Variants in DSCAML1 observed in about 807,000 individuals in gnomAD.
The protein encoded by DSCAML1 is cell adhesion molecule DSCAML1.
In DSCAML1, 38 loss-of-function variants were observed where a neutral mutation model predicts 200.5. The ratio of observed to expected loss-of-function variants is 0.19; its 90% CI spans 0.15 to 0.25. DSCAML1 has a LOEUF of 0.25. DSCAML1 is among the 10% of genes least tolerant of loss of function. The pLI is 1.00. For missense variants in DSCAML1, 2,223 were observed against 2,858.8 expected, an observed-to-expected ratio of 0.78 and a Z score of 5.07; for synonymous variants, 1,215 against 1,165.0, an observed-to-expected ratio of 1.04 and a Z score of -0.87.
chr11:117,679,794 C>T (rs2053281195), intron 3 of DSCAML1, among the ~76,000 whole-genome samples: 1 of 152,192 alleles, frequency 6.6e-6, no homozygotes, highest in Non-Finnish European at 1.5e-5. Flanking sequence ...GGAAACTAAG[C>T]TTAGCAAACT....
chr11:117,653,764 T>G (rs998595434), intron 3 of DSCAML1, among the ~76,000 whole-genome samples: 10 of 152,198 alleles, frequency 6.6e-5, no homozygotes, highest in African/African-American at 2.4e-4. Context: ...AGAATGTTTA[T>G]AGCAGCATTA....
intron 21 of DSCAML1, among the ~76,000 whole-genome samples, chr11:117,442,580 G>C (rs2137093384): frequency 6.6e-6 from 1 of 152,234 alleles, no homozygotes; most frequent in South Asian, 2.1e-4. Flanking sequence ...GGGCGGCTGT[G>C]AGGTGACGCT....
intron 3 of DSCAML1, among the ~76,000 whole-genome samples, chr11:117,622,889 T>C (rs2051963305): frequency 1.3e-5 from 2 of 152,328 alleles, no homozygotes; most frequent in South Asian, 4.2e-4. Context: ...TAAATAATTA[T>C]GTTTACTGAG....
At chr11:117,590,544 TTCCTCCCACACCG>T (rs1442522799) in intron 3 of DSCAML1, among the ~76,000 whole-genome samples, 1 of 152,164 alleles carries the variant, frequency 6.6e-6, no homozygotes, top group Non-Finnish European at 1.5e-5. Context: ...GAACTGCCTG[TTCCTCCCACACCG>T]TCCTTCCAGG....
At chr11:117,639,052 A>C (rs1457578728) in intron 3 of DSCAML1, among the ~76,000 whole-genome samples, 2 of 152,170 alleles carry the variant, frequency 1.3e-5, no homozygotes, top group Non-Finnish European at 2.9e-5. Flanking sequence ...CTGTCTTTTT[A>C]ATGATAGCCA....
At chr11:117,661,636 G>C (rs2137645807) in intron 3 of DSCAML1, among the ~76,000 whole-genome samples, 1 of 152,192 alleles carries the variant, frequency 6.6e-6, no homozygotes, top group South Asian at 2.1e-4. Context: ...GTCCTCCTAG[G>C]TCTCCTCTCC....
intron 3 of DSCAML1, among the ~76,000 whole-genome samples, chr11:117,666,486 A>T (rs1468453066): frequency 6.6e-6 from 1 of 151,894 alleles, no homozygotes; most frequent in Non-Finnish European, 1.5e-5. Flanking sequence ...CTGTTTCCTG[A>T]TCTGGCCTCT....
intron 3 of DSCAML1, among the ~76,000 whole-genome samples, chr11:117,559,087 C>G (rs1392277028): frequency 6.6e-6 from 1 of 150,834 alleles, no homozygotes; most frequent in African/African-American, 2.5e-5. Flanking sequence ...ACGTGGTGGT[C>G]TCCTTCCATA....
At chr11:117,607,134 T>C (rs2051583892) in intron 3 of DSCAML1, among the ~76,000 whole-genome samples, 1 of 152,234 alleles carries the variant, frequency 6.6e-6, no homozygotes, top group Non-Finnish European at 1.5e-5. Context: ...GGACTGACTC[T>C]CTTCCGGGAC....
At chr11:117,596,598 C>T (rs2051365746) in intron 3 of DSCAML1, among the ~76,000 whole-genome samples, 1 of 152,120 alleles carries the variant, frequency 6.6e-6, no homozygotes, top group Non-Finnish European at 1.5e-5. Flanking sequence ...GCTCATGGAA[C>T]CTGCATTACT....
At chr11:117,770,204 A>G (rs1351948645) in intron 3 of DSCAML1, among the ~76,000 whole-genome samples, 3 of 152,200 alleles carry the variant, frequency 2.0e-5, no homozygotes, top group African/African-American at 7.2e-5. Flanking sequence ...AGAAGCCAGG[A>G]AAGGAACAGA....
chr11:117,443,404 C>T (rs1441812236), intron 21 of DSCAML1, among the ~76,000 whole-genome samples: 3 of 152,230 alleles, frequency 2.0e-5, no homozygotes, highest in Non-Finnish European at 4.4e-5. Flanking sequence ...CTTCACAGCA[C>T]GCGCTCCGTA....
chr11:117,514,572 C>CTTTTTTTTTT (rs532136039), intron 8 of DSCAML1, among the ~76,000 whole-genome samples: 63 of 98,284 alleles, frequency 6.4e-4, no homozygotes, highest in Admixed American at 9.7e-4. Context: ...TTTTCTTTTT[C>CTTTTTTTTTT]TTTTTTTTTT....
chr11:117,662,046 A>G (rs1374351371), intron 3 of DSCAML1, among the ~76,000 whole-genome samples: 1 of 152,220 alleles, frequency 6.6e-6, no homozygotes, highest in Admixed American at 6.5e-5. Context: ...TGCCTTTCTC[A>G]GAAGTGCTTC....
At chr11:117,538,152 A>G (rs569151346) in intron 3 of DSCAML1, among the ~76,000 whole-genome samples, 67 of 152,218 alleles carry the variant, frequency 4.4e-4, no homozygotes, top group Non-Finnish European at 9.4e-4. Context: ...GATTTTTTAA[A>G]GAGCTGTAGG....
At chr11:117,607,163 G>A (rs769661302) in intron 3 of DSCAML1, among the ~76,000 whole-genome samples, 15 of 152,306 alleles carry the variant, frequency 9.8e-5, no homozygotes, top group South Asian at 8.3e-4. Flanking sequence ...GGCTATCCTC[G>A]ACCCCAGCGG....
At chr11:117,770,623 T>C (rs2055019796) in intron 3 of DSCAML1, among the ~76,000 whole-genome samples, 1 of 151,160 alleles carries the variant, frequency 6.6e-6, no homozygotes, top group Non-Finnish European at 1.5e-5. Flanking sequence ...AAAATATGAA[T>C]CCTGCCCCTG....
chr11:117,435,341 CT>C (rs2047891758), intron 27 of DSCAML1, among the ~76,000 whole-genome samples: 1 of 152,218 alleles, frequency 6.6e-6, no homozygotes, highest in Admixed American at 6.5e-5. Context: ...GGAGCAACAT[CT>C]GTTTACCAAC....
chr11:117,518,538 C>T lies in DSCAML1; in HGVS notation c.1438G>A (p.Gly480Arg). The T allele has an allele frequency of 1.2e-6, 2 of 1,614,186 alleles. No homozygotes were observed. Among genetic ancestry groups the T allele is most frequent in the African/African-American group, 1.3e-5 (1 of 75,052 alleles). The stretch of plus-strand genomic sequence containing the variant: ...CGCGCTGTGCACCGGTACACGCCCC[C>T]GTCGCGGATCTGGGGGCCTGTGACG... ...MNVTGPQIRD[G>R]GVYRCTARNL... Residue 480 changes from glycine to arginine, a missense_variant, in exon 7 of 33, where the codon GGG becomes AGG. This residue lies in a region of DSCAML1 where 579 missense variants were observed against 721.5 expected (regional missense o/e 0.80). Coordinates refer to ENST00000651296, the MANE Select transcript of DSCAML1 (RefSeq NM_020693.4). This position sits in a 1 kb window ranked among gnomAD's most constrained non-coding sequence, Gnocchi z 6.3.
Sources: allele counts gnomAD v4.1 joint callset (sites outside exome capture counted in the v4.1 genomes callset), GRCh38; gene constraint gnomAD v4.1.1; regional missense constraint gnomAD v4.1.1; non-coding constraint Gnocchi (gnomAD v3.1); transcripts MANE v1.5; gene names NCBI Gene and HGNC (gene_info 2026-07-23, HGNC 2026-07-21).